The following PTPRG variants were observed in gnomAD, a reference collection of about 807,000 sequenced individuals.
PTPRG encodes the protein protein tyrosine phosphatase receptor type G.
PTPRG carries 102 observed loss-of-function variants against 165.3 expected under a neutral mutation model. The observed-to-expected ratio is 0.62, with a 90% confidence interval of 0.53 to 0.73. The LOEUF (loss-of-function observed/expected upper bound fraction) is 0.73. Among genes scored for constraint, PTPRG ranks in the 30% least tolerant of loss-of-function variants. PTPRG has a pLI of 0.00. For missense variants in PTPRG, 1,866 were observed against 1,861.4 expected (o/e 1.00, Z -0.05); for synonymous variants, 675 against 669.5 (o/e 1.01, Z -0.13).
intron 14 of PTPRG, among the ~76,000 whole-genome samples, chr3:62,236,028 C>T (rs1701026053): frequency 6.6e-6 from 1 of 152,130 alleles, no homozygotes; most frequent in African/African-American, 2.4e-5. Context: ...CCACTAGAAA[C>T]ATATTTTGGT....
chr3:61,975,461 G>A (rs1177067474), intron 2 of PTPRG, among the ~76,000 whole-genome samples: 1 of 152,088 alleles, frequency 6.6e-6, no homozygotes, highest in East Asian at 1.9e-4. Flanking sequence ...GTGCTGTATG[G>A]GGCCTCAGAA....
At chr3:61,583,162 T>C (rs1468230162) in intron 1 of PTPRG, among the ~76,000 whole-genome samples, 1 of 152,176 alleles carries the variant, frequency 6.6e-6, no homozygotes, top group Non-Finnish European at 1.5e-5. Flanking sequence ...ATAAAGCCAT[T>C]AGTGACTGCT....
intron 24 of PTPRG, 26 bp downstream of exon 24, chr3:62,275,992 T>C (rs141216488): frequency 0.021 from 32,140 of 1,517,506 alleles, 510 homozygotes; most frequent in Non-Finnish European, 0.024. Context: ...AGTTTGTTAG[T>C]GATCTTTTAT....
intron 2 of PTPRG, among the ~76,000 whole-genome samples, chr3:61,970,942 A>G (rs190382408): frequency 1.3e-5 from 2 of 152,328 alleles, no homozygotes; most frequent in Admixed American, 1.3e-4. Context: ...GAAACTGTCT[A>G]AAATCCTGAA....
chr3:61,901,414 T>G (rs2038495336), intron 2 of PTPRG, among the ~76,000 whole-genome samples: 1 of 152,196 alleles, frequency 6.6e-6, no homozygotes, highest in Non-Finnish European at 1.5e-5. Flanking sequence ...ATGTTTCTAT[T>G]GACTGCTGAT....
At chr3:61,684,241 G>A (rs757283308) in intron 1 of PTPRG, among the ~76,000 whole-genome samples, 1 of 152,182 alleles carries the variant, frequency 6.6e-6, no homozygotes, top group South Asian at 2.1e-4. Flanking sequence ...GGTGGTGATG[G>A]TGGGGGATCT....
chr3:62,049,692 C>T lies in PTPRG; in HGVS notation c.520-28471C>T, dbSNP rs188800344. ...GGGAACATTTCTGGGGAAACTTAGACATGTATAATATCTTACGAGTTGTGC... is the reference window on the plus strand; with the variant it reads ...GGGAACATTTCTGGGGAAACTTAGATATGTATAATATCTTACGAGTTGTGC... On this transcript the variant is annotated intron_variant, in intron 4 of 29. Transcript: ENST00000474889. Among the ~76,000 whole-genome samples the T allele has an allele frequency of 2.2e-4, 33 of 152,200 alleles. No individual in the cohort carries two copies. In the East Asian group the frequency reaches 2.3e-3, roughly 11 times the overall value.
rs2037796894 is a variant in PTPRG at position 61,878,259 on chromosome 3, CT to C, written c.191-111365del. On this transcript the variant is annotated intron_variant, in intron 2 of 29. Transcript: ENST00000474889. ...GTTCTGAGTGATAGGTCCATTTGCCCTGCTGTGCCTTCCCCACACAATAGCG... is the reference window on the plus strand; with the variant it reads ...GTTCTGAGTGATAGGTCCATTTGCCCGCTGTGCCTTCCCCACACAATAGCG... Among the ~76,000 whole-genome samples, 6 of 152,272 alleles carry C rather than the reference CT, an allele frequency of 3.9e-5. No homozygotes were observed. In the South Asian group the frequency reaches 1.2e-3, roughly 32 times the overall value.
intron 2 of PTPRG, among the ~76,000 whole-genome samples, chr3:61,968,524 G>T (rs1050631710): frequency 3.3e-5 from 5 of 152,164 alleles, no homozygotes; most frequent in African/African-American, 4.8e-5. Context: ...TATATTGTGA[G>T]AATTCTTCCC....
intron 26 of PTPRG, among the ~76,000 whole-genome samples, chr3:62,279,707 A>C (rs969920956): frequency 5.3e-5 from 8 of 152,108 alleles, no homozygotes; most frequent in Non-Finnish European, 7.4e-5. Flanking sequence ...GCTGAGCTTT[A>C]AAAATAAAAA....
chr3:61,611,033 C>T (rs992290591), intron 1 of PTPRG, among the ~76,000 whole-genome samples: 4 of 152,066 alleles, frequency 2.6e-5, no homozygotes, highest in Non-Finnish European at 5.9e-5. Context: ...TGGTCCTGAA[C>T]GCAAGTGATC....
At chr3:61,679,270 G>T (rs1350985720) in intron 1 of PTPRG, among the ~76,000 whole-genome samples, 1 of 152,174 alleles carries the variant, frequency 6.6e-6, no homozygotes, top group African/African-American at 2.4e-5. Context: ...ACTGCGCATT[G>T]GGTTCATTAT....
intron 2 of PTPRG, among the ~76,000 whole-genome samples, chr3:61,903,313 C>T (rs1339166716): frequency 1.3e-5 from 2 of 152,174 alleles, no homozygotes; most frequent in African/African-American, 2.4e-5. Flanking sequence ...TACATCTGCT[C>T]CTCTGAGGGT....
chr3:61,738,411 A>G (rs915356174), intron 1 of PTPRG, among the ~76,000 whole-genome samples: 7 of 150,204 alleles, frequency 4.7e-5, no homozygotes, highest in African/African-American at 1.5e-4. Context: ...TCAACAATAT[A>G]AAAGGCCTAT....
chr3:61,908,122 A>T (rs76002004), intron 2 of PTPRG, among the ~76,000 whole-genome samples: 9 of 22,754 alleles, frequency 4.0e-4, no homozygotes, highest in African/African-American at 7.6e-4. Flanking sequence ...ACCTCTCTTT[A>T]AAAAAAAAAA....
intron 2 of PTPRG, among the ~76,000 whole-genome samples, chr3:61,873,428 A>G (rs952824844): frequency 1.3e-5 from 2 of 152,226 alleles, no homozygotes; most frequent in African/African-American, 4.8e-5. Context: ...TATTTTAAAT[A>G]TAGTAGCAAA....
chr3:61,616,434 T>C (rs1701298971), intron 1 of PTPRG, among the ~76,000 whole-genome samples: 1 of 152,210 alleles, frequency 6.6e-6, no homozygotes, highest in African/African-American at 2.4e-5. Context: ...GTTTTCTCTT[T>C]CATGGATTTG....
chr3:61,940,216 C>T (rs966614026), intron 2 of PTPRG, among the ~76,000 whole-genome samples: 1 of 152,012 alleles, frequency 6.6e-6, no homozygotes, highest in Non-Finnish European at 1.5e-5. Flanking sequence ...GGATGAAGTG[C>T]TGGGATTACA....
intron 5 of PTPRG, among the ~76,000 whole-genome samples, chr3:62,119,787 ATTT>A (rs34842750): frequency 0.011 from 1,232 of 111,714 alleles, 23 homozygotes; most frequent in African/African-American, 0.038. Flanking sequence ...CGCCTGGCTA[ATTT>A]TTTTTTTTTT....
Sources: gnomAD v4.1 joint callset for allele counts (sites outside exome capture counted in the v4.1 genomes callset) on GRCh38, gnomAD v4.1.1 for gene constraint, MANE v1.5 for transcripts, NCBI Gene and HGNC (gene_info 2026-07-23, HGNC 2026-07-21) for gene names.